MFSD8: variants seen among roughly 807,000 people sequenced by gnomAD.
MFSD8 encodes major facilitator superfamily domain containing 8, also known as major facilitator superfamily domain-containing protein 8.
In MFSD8, 55 loss-of-function variants were observed where a neutral mutation model predicts 66.4. That is an observed-to-expected ratio of 0.83 (90% confidence interval 0.67 to 1.04). The LOEUF is 1.04. Ranked by LOEUF, MFSD8 falls within the 50% of genes least tolerant of loss-of-function variation. The pLI is 0.00. For missense variants in MFSD8, 550 were observed against 627.6 expected, an observed-to-expected ratio of 0.88 and a Z score of 1.32; for synonymous variants, 202 against 212.8, an observed-to-expected ratio of 0.95 and a Z score of 0.44.
chr4:127,920,677 T>G lies in MFSD8; in HGVS notation c.1510A>C (p.Lys504Gln), dbSNP rs1406814092. The G allele has an allele frequency of 1.2e-6, 2 of 1,614,052 alleles. No homozygotes were observed. The highest frequency in any genetic ancestry group is 2.2e-5 in the East Asian group (1 of 44,878). ...LTITLLGVVY[K>Q]RLIALSVRYG... is the part of the protein sequence containing the mutation. The stretch of plus-strand genomic sequence containing the variant: ...CTTACAGAAAGAGCAATGAGTCTTT[T>G]GTAAACCACTCCCAGGAGGGTGATG... The change falls in exon 12 of 12, where the codon AAA (lysine) becomes CAA (glutamine). Residue 504 changes from lysine (K) to glutamine (Q), a missense_variant. Transcript: ENST00000641686.
In MFSD8 at chr4:127,965,091, C is replaced by T. The variant is rs1472758212; in HGVS notation, c.43G>A (p.Gly15Ser). The change falls in exon 1 of 12, where the codon GGC (glycine) becomes AGC (serine). Residue 15 changes from glycine (G) to serine (S), a missense_variant. Coordinates refer to ENST00000641686, the MANE Select transcript of MFSD8 (RefSeq NM_001371596.2). The stretch of plus-strand genomic sequence containing the variant: ...GCTCACCTGCTTCCAGGTGTGTCGC[C>T]TAAGAGCGGCTCCTGTTCACTTTCG... ...RNESEQEPLL[G>S]DTPGSREWDI... The T allele has an allele frequency of 1.2e-6, 2 of 1,613,972 alleles. No homozygotes were observed. Among genetic ancestry groups the T allele is most frequent in the Non-Finnish European group, 1.7e-6 (2 of 1,180,018 alleles).
At chr4:127,955,593 A>T (rs1223558781) in intron 2 of MFSD8, among the ~76,000 whole-genome samples, 1 of 151,372 alleles carries the variant, frequency 6.6e-6, no homozygotes, top group Non-Finnish European at 1.5e-5. Context: ...AGAGTATGCT[A>T]CTCCAAAAAT....
Position 127,947,898 on chromosome 4 carries a change from A to ACACACACACACACACACTCT in MFSD8, c.198+1905_198+1906insAGAGTGTGTGTGTGTGTGTG, listed in dbSNP as rs777137519. ...CACACACACACACACACACACACAC[A>ACACACACACACACACACTCT]CTCTCTCTCCAACCTCATAGAAAAA... is the stretch of plus-strand genomic sequence containing the variant. On this transcript the variant is annotated intron_variant, in intron 3 of 11. Coordinates refer to ENST00000641686, the MANE Select transcript of MFSD8 (RefSeq NM_001371596.2). Among the ~76,000 whole-genome samples, 8 of 146,940 alleles carry ACACACACACACACACACTCT rather than the reference A, an allele frequency of 5.4e-5. No individual in the cohort carries two copies. In the East Asian group the frequency reaches 1.2e-3, roughly 22 times the overall value.
intron 11 of MFSD8, chr4:127,921,290 C>A: frequency 1.4e-6 from 1 of 693,230 alleles, no homozygotes; most frequent in East Asian, 2.7e-5. Context: ...CACTGTGCCA[C>A]TTTACACTCT....
rs1743093177 is a variant in MFSD8 at position 127,957,554 on chromosome 4, C to A, written c.101G>T (p.Ser34Ile). The change falls in exon 2 of 12, where the codon AGC (serine) becomes ATC (isoleucine). Residue 34 changes from serine (S) to isoleucine (I), a missense_variant. Transcript: ENST00000641686. Reference protein sequence around the residue: ...DILETEEHYKSRWRSIRILYL... With the variant: ...DILETEEHYKIRWRSIRILYL... ...TAAAATCCTAATAGATCTCCATCGG[C>A]TCTTATAATGCTCTTCAGTCTCTAA... The A allele has an allele frequency of 1.2e-6, 2 of 1,611,858 alleles. No homozygotes were observed. The highest frequency in any genetic ancestry group is 1.7e-6 in the Non-Finnish European group (2 of 1,178,474).
chr4:127,920,827 T>C lies in MFSD8; in HGVS notation c.1360A>G (p.Met454Val), dbSNP rs748118750. The stretch of plus-strand genomic sequence containing the variant: ...CTTCCAGATGCTGTTAACCAGCCCA[T>C]GTATACACCCTGTTGGGGGTGAAAT... ...ILGPKPQGVY[M>V]GWLTASGSGA... Residue 454 changes from methionine (M) to valine (V), a missense_variant, in exon 12 of 12, where the codon ATG becomes GTG. Physicochemically the swap from Met to Val is conservative, Grantham distance 21. Coordinates refer to ENST00000641686, the MANE Select transcript of MFSD8 (RefSeq NM_001371596.2). 1 of 1,613,826 alleles carries C rather than the reference T, an allele frequency of 6.2e-7. No individual in the cohort carries two copies. The highest frequency in any genetic ancestry group is 1.1e-5 in the South Asian group (1 of 91,044).
At chr4:127,957,302 T>A (rs1743048970) in intron 2 of MFSD8, among the ~76,000 whole-genome samples, 199 bp downstream of exon 2, 3 of 152,120 alleles carry the variant, frequency 2.0e-5, no homozygotes, top group Non-Finnish European at 4.4e-5. Context: ...AAGATGAAAA[T>A]GTTCTAGGGA....
intron 1 of MFSD8, among the ~76,000 whole-genome samples, chr4:127,960,675 T>G (rs1310056836): frequency 6.6e-6 from 1 of 152,124 alleles, no homozygotes; most frequent in African/African-American, 2.4e-5. Context: ...TAATACAAAT[T>G]TTACAGAGAC....
intron 1 of MFSD8, among the ~76,000 whole-genome samples, chr4:127,960,721 G>A (rs1342253082): frequency 6.6e-6 from 1 of 152,086 alleles, no homozygotes; most frequent in East Asian, 1.9e-4. Context: ...GAAATCATTT[G>A]TAACTTGGAT....
chr4:127,965,917 A>C (rs890561876), upstream of MFSD8: 3 of 152,440 alleles, frequency 2.0e-5, no homozygotes, highest in African/African-American at 7.2e-5. Context: ...TGTCAGAGCC[A>C]GGACTGAAGG....
intron 2 of MFSD8, among the ~76,000 whole-genome samples, chr4:127,951,969 C>T (rs1049099188): frequency 6.6e-6 from 1 of 151,852 alleles, no homozygotes; most frequent in East Asian, 2.0e-4. Context: ...ACCTTGCAAT[C>T]CGCCTGCCTC....
At position 127,965,100 on chromosome 4, in the gene MFSD8, G is replaced by A. The variant is rs371882083; in HGVS notation, c.34C>T (p.Pro12Ser). ...AGLRNESEQE[P>S]LLGDTPGSRE... ...CTTCCAGGTGTGTCGCCTAAGAGCGGCTCCTGTTCACTTTCGTTCCGCAGG... is the reference window on the plus strand; with the variant it reads ...CTTCCAGGTGTGTCGCCTAAGAGCGACTCCTGTTCACTTTCGTTCCGCAGG... The change falls in exon 1 of 12, where the codon CCG (proline) becomes TCG (serine). Residue 12 changes from proline to serine, a missense_variant. Transcript: ENST00000641686. 61 of 1,613,824 alleles carry A rather than the reference G, an allele frequency of 3.8e-5. No homozygotes were observed. The highest frequency in any genetic ancestry group is 4.7e-5 in the Non-Finnish European group (56 of 1,180,034).
At chr4:127,957,667 C>A in intron 1 of MFSD8, 75 bp from the exon 2 acceptor site, 2 of 995,282 alleles carry the variant, frequency 2.0e-6, no homozygotes, top group South Asian at 1.4e-5. Flanking sequence ...CAGTTTTATT[C>A]TCTAGTTATG....
At chr4:127,923,278 G>A (rs986048222) in intron 9 of MFSD8, among the ~76,000 whole-genome samples, 4 of 152,008 alleles carry the variant, frequency 2.6e-5, no homozygotes, top group South Asian at 2.1e-4. Flanking sequence ...CATAAATAGC[G>A]CTTATTATTT....
chr4:127,951,760 C>T (rs567125664), intron 2 of MFSD8, among the ~76,000 whole-genome samples: 1 of 145,442 alleles, frequency 6.9e-6, no homozygotes, highest in Non-Finnish European at 1.5e-5. Flanking sequence ...GACAGAGTCT[C>T]GCTATGTCAC....
chr4:127,932,814 A>G (rs1230519369), intron 8 of MFSD8, 171 bp downstream of exon 8: 1 of 551,230 alleles, frequency 1.8e-6, no homozygotes, highest in Non-Finnish European at 3.2e-6. Flanking sequence ...ACAAATAATT[A>G]ACTACATTCA....
At chr4:127,963,837 C>A (rs1284808442) in intron 1 of MFSD8, among the ~76,000 whole-genome samples, 1 of 152,214 alleles carries the variant, frequency 6.6e-6, no homozygotes, top group Admixed American at 6.5e-5. Context: ...GCCCCACCCA[C>A]ATCCTGCTGA....
chr4:127,964,971 C>T (rs1744778363), intron 1 of MFSD8, 101 bp downstream of exon 1: 3 of 1,426,620 alleles, frequency 2.1e-6, no homozygotes, highest in Non-Finnish European at 2.9e-6. Flanking sequence ...GCTGGAACCC[C>T]TCTGGCAGCG....
intron 1 of MFSD8, among the ~76,000 whole-genome samples, chr4:127,959,631 G>C (rs1434842667): frequency 2.0e-5 from 3 of 152,180 alleles, no homozygotes; most frequent in African/African-American, 4.8e-5. Flanking sequence ...AAAGAGGTGC[G>C]TGTGGGTGTG....
Sources: allele counts gnomAD v4.1 joint callset (sites outside exome capture counted in the v4.1 genomes callset), GRCh38; gene constraint gnomAD v4.1.1; transcripts MANE v1.5; gene names NCBI Gene and HGNC (gene_info 2026-07-23, HGNC 2026-07-21).